Variants in NLRP4 observed in about 807,000 individuals in gnomAD.
The protein encoded by NLRP4 is NACHT, LRR and PYD domains-containing protein 4.
NLRP4 carries 44 observed loss-of-function variants against 84.7 expected under a neutral mutation model. The ratio of observed to expected loss-of-function variants is 0.52; its 90% CI spans 0.41 to 0.67. NLRP4 has a LOEUF of 0.67. NLRP4 is among the 30% of genes least tolerant of loss of function. NLRP4 has a pLI of 0.00. For synonymous variants in NLRP4, 544 were observed against 476.4 expected (o/e 1.14, Z -1.85); for missense variants, 1,260 against 1,219.4 (o/e 1.03, Z -0.50).
At chr19:55,846,213 G>A (rs1416337576) in intron 1 of NLRP4, among the ~76,000 whole-genome samples, 1 of 152,166 alleles carries the variant, frequency 6.6e-6, no homozygotes, top group African/African-American at 2.4e-5. Context: ...GTATAAGGAA[G>A]GGATCCAGTT....
At chr19:55,846,645 G>T (rs190711198) in intron 1 of NLRP4, among the ~76,000 whole-genome samples, 1 of 152,148 alleles carries the variant, frequency 6.6e-6, no homozygotes, top group East Asian at 1.9e-4. Context: ...ATTAACAGAT[G>T]GCTGTGCCCT....
At chr19:55,860,988 AC>A (rs1044535261) in intron 3 of NLRP4, among the ~76,000 whole-genome samples, 12 of 151,874 alleles carry the variant, frequency 7.9e-5, no homozygotes, top group African/African-American at 2.9e-4. Context: ...CAAAAAATAA[AC>A]CTATTTTGGA....
chr19:55,844,078 CT>C (rs1035894764), intron 1 of NLRP4, among the ~76,000 whole-genome samples: 3 of 152,150 alleles, frequency 2.0e-5, no homozygotes, highest in African/African-American at 7.2e-5. Context: ...CAGAAACTTA[CT>C]GTCTCACAGT....
At chr19:55,870,623 G>A (rs755539819) in intron 6 of NLRP4, among the ~76,000 whole-genome samples, 4 of 152,134 alleles carry the variant, frequency 2.6e-5, no homozygotes, top group Non-Finnish European at 5.9e-5. Flanking sequence ...AGATCGCGCC[G>A]TTGCATTCCA....
chr19:55,870,865 A>G lies in NLRP4; in HGVS notation c.2393A>G (p.Tyr798Cys), dbSNP rs756132666. 1.7e-5 allele frequency: 28 copies of G among 1,614,044 alleles called. No individual in the cohort carries two copies. The highest frequency in any genetic ancestry group is 2.3e-5 in the Non-Finnish European group (27 of 1,179,992). Reference sequence around the variant, plus strand: ...CACCTCAGCGAGCAGTGCTGCGAATACATCTCTGAAATGCTTCTGCGTAAC... The same window carrying G: ...CACCTCAGCGAGCAGTGCTGCGAATGCATCTCTGAAATGCTTCTGCGTAAC... ...FCHLSEQCCE[Y>C]ISEMLLRNKS... is the part of the protein sequence containing the mutation. The change falls in exon 7 of 10, where the codon TAC (tyrosine) becomes TGC (cysteine). Residue 798 changes from tyrosine to cysteine, a missense_variant. Transcript: ENST00000301295.
At chr19:55,839,494 AAG>A (rs1386454692) in intron 1 of NLRP4, among the ~76,000 whole-genome samples, 1 of 150,956 alleles carries the variant, frequency 6.6e-6, no homozygotes, top group Non-Finnish European at 1.5e-5. Context: ...AAAAAAAAAA[AAG>A]CTTTCAAAAC....
intron 5 of NLRP4, among the ~76,000 whole-genome samples, chr19:55,863,448 G>A (rs899223895): frequency 2.0e-5 from 3 of 152,182 alleles, no homozygotes; most frequent in Non-Finnish European, 2.9e-5. Context: ...AAGCAGGCAC[G>A]TCTTACATGG....
chr19:55,868,567 A>G (rs1452497762), intron 6 of NLRP4, among the ~76,000 whole-genome samples: 1 of 144,740 alleles, frequency 6.9e-6, no homozygotes, highest in African/African-American at 2.6e-5. Context: ...CAGTGGCATG[A>G]TCTTGGCTTA....
chr19:55,867,588 G>T (rs903937459), intron 5 of NLRP4, 121 bp from the exon 6 acceptor site: 1 of 800,870 alleles, frequency 1.2e-6, no homozygotes, highest in Non-Finnish European at 2.1e-6. Flanking sequence ...GAACAGGGTT[G>T]GGAGGCAGTG....
At chr19:55,844,001 C>T (rs567999515) in intron 1 of NLRP4, among the ~76,000 whole-genome samples, 1 of 152,098 alleles carries the variant, frequency 6.6e-6, no homozygotes, top group African/African-American at 2.4e-5. Flanking sequence ...AAATCTGATA[C>T]TAACACATTG....
At chr19:55,850,290 C>T (rs1984030355) in intron 1 of NLRP4, among the ~76,000 whole-genome samples, 2 of 108,680 alleles carry the variant, frequency 1.8e-5, no homozygotes, top group South Asian at 3.2e-4. Context: ...GTGTAATGTC[C>T]GTGGCTGCGG....
chr19:55,842,884 C>T (rs971199425), intron 1 of NLRP4, among the ~76,000 whole-genome samples: 1 of 151,984 alleles, frequency 6.6e-6, no homozygotes, highest in Non-Finnish European at 1.5e-5. Context: ...CTCAGCCTCC[C>T]CAGTAGCTGA....
chr19:55,847,460 A>G (rs1170850729), intron 1 of NLRP4, among the ~76,000 whole-genome samples: 1 of 152,170 alleles, frequency 6.6e-6, no homozygotes, highest in Non-Finnish European at 1.5e-5. Context: ...TATTCATAAA[A>G]TGTGTTGATT....
intron 2 of NLRP4, among the ~76,000 whole-genome samples, chr19:55,852,896 A>T (rs2123020618): frequency 6.6e-6 from 1 of 152,262 alleles, no homozygotes; most frequent in African/African-American, 2.4e-5. Context: ...GTCACCAATG[A>T]TTTTTACCCT....
chr19:55,875,702 C>T (rs534780677), intron 7 of NLRP4, among the ~76,000 whole-genome samples: 1 of 152,120 alleles, frequency 6.6e-6, no homozygotes, highest in African/African-American at 2.4e-5. Context: ...ATGGAACTTG[C>T]AAGAGGCCAA....
At chr19:55,840,826 T>C in intron 1 of NLRP4, among the ~76,000 whole-genome samples, 1 of 152,254 alleles carries the variant, frequency 6.6e-6, no homozygotes, top group East Asian at 1.9e-4. Context: ...GCTTGGGGTC[T>C]GCTTTTCTGG....
At chr19:55,848,973 G>T (rs1000936591) in intron 1 of NLRP4, among the ~76,000 whole-genome samples, 3 of 151,700 alleles carry the variant, frequency 2.0e-5, no homozygotes, top group African/African-American at 7.3e-5. Flanking sequence ...TGTGCCTTTT[G>T]CCTTCCCCCA....
chr19:55,869,255 G>A (rs922105788), intron 6 of NLRP4, among the ~76,000 whole-genome samples: 19 of 151,844 alleles, frequency 1.3e-4, no homozygotes, highest in African/African-American at 4.4e-4. Context: ...AGCTACTCTC[G>A]AGGGAAGCTG....
At chr19:55,856,833 G>C (rs1984453637) in intron 2 of NLRP4, among the ~76,000 whole-genome samples, 1 of 152,034 alleles carries the variant, frequency 6.6e-6, no homozygotes, top group Non-Finnish European at 1.5e-5. Flanking sequence ...TTTTTTGATT[G>C]GCTTTTCTTT....
Sources: allele counts gnomAD v4.1 joint callset (sites outside exome capture counted in the v4.1 genomes callset), GRCh38; gene constraint gnomAD v4.1.1; transcripts MANE v1.5; gene names NCBI Gene and HGNC (gene_info 2026-07-23, HGNC 2026-07-21).